The following ITGA8 variants were observed in gnomAD, a reference collection of about 807,000 sequenced individuals.
ITGA8 encodes integrin alpha-8.
A neutral mutation model predicts 142.3 loss-of-function variants in ITGA8; 91 were observed. That is an observed-to-expected ratio of 0.64 (90% CI 0.54 to 0.76). The LOEUF (loss-of-function observed/expected upper bound fraction) is 0.76, where lower values mean the gene tolerates loss of function less well. Among genes scored for constraint, ITGA8 ranks in the 30% least tolerant of loss-of-function variants. The pLI is 0.00. For missense variants in ITGA8, 1,406 were observed against 1,327.7 expected (o/e 1.06, Z -0.92); for synonymous variants, 505 against 485.2 (o/e 1.04, Z -0.54).
At chr10:15,521,352 G>A (rs370914074) in intron 28 of ITGA8, among the ~76,000 whole-genome samples, 103 of 152,204 alleles carry the variant, frequency 6.8e-4, no homozygotes, top group Non-Finnish European at 1.3e-3. Context: ...AGAGTTGAGC[G>A]CCCTGATGGT....
intron 12 of ITGA8, among the ~76,000 whole-genome samples, chr10:15,645,859 T>C (rs1022533710): frequency 2.6e-5 from 4 of 152,122 alleles, no homozygotes; most frequent in Admixed American, 2.6e-4. Flanking sequence ...AGAGGGTACT[T>C]GGAGGGGTTT....
intron 2 of ITGA8, among the ~76,000 whole-genome samples, chr10:15,694,246 A>C (rs950759084): frequency 7.8e-6 from 1 of 128,756 alleles, no homozygotes; most frequent in East Asian, 2.1e-4. Context: ...TATATCATAT[A>C]TATGATAACA....
At chr10:15,674,041 T>A (rs932604681) in intron 6 of ITGA8, among the ~76,000 whole-genome samples, 5 of 151,898 alleles carry the variant, frequency 3.3e-5, no homozygotes, top group Non-Finnish European at 7.3e-5. Flanking sequence ...GCCAAATTAG[T>A]CTTTGGGAAT....
chr10:15,559,840 G>GAGGGGGGGGGGGGGGA (rs1833944790), intron 25 of ITGA8, among the ~76,000 whole-genome samples: 1 of 98,810 alleles, frequency 1.0e-5, no homozygotes, highest in African/African-American at 3.9e-5. Flanking sequence ...GGGGCGGGGG[G>GAGGGGGGGGGGGGGGA]AGGGAGAACA....
At chr10:15,716,811 C>T (rs1299986909) in intron 2 of ITGA8, among the ~76,000 whole-genome samples, 3 of 151,900 alleles carry the variant, frequency 2.0e-5, no homozygotes, top group African/African-American at 7.3e-5. Context: ...GCTGGGATTA[C>T]ACCCTTAGGC....
At chr10:15,634,106 C>T (rs1833730468) in intron 13 of ITGA8, among the ~76,000 whole-genome samples, 1 of 152,120 alleles carries the variant, frequency 6.6e-6, no homozygotes, top group Non-Finnish European at 1.5e-5. Context: ...TCTCAGGATC[C>T]TACTTATCTC....
At chr10:15,605,642 G>C in intron 19 of ITGA8, 82 bp downstream of exon 19, 1 of 1,128,536 alleles carries the variant, frequency 8.9e-7, no homozygotes, top group Non-Finnish European at 1.3e-6. Context: ...TATTGGAAGT[G>C]TATACTTTCT....
intron 28 of ITGA8, among the ~76,000 whole-genome samples, chr10:15,522,769 T>C (rs1833094434): frequency 6.6e-6 from 1 of 152,192 alleles, no homozygotes; most frequent in Non-Finnish European, 1.5e-5. Flanking sequence ...CCCAGCACTT[T>C]GGGAGGCCAA....
intron 27 of ITGA8, among the ~76,000 whole-genome samples, chr10:15,531,951 G>GA (rs974753271): frequency 5.3e-5 from 7 of 132,566 alleles, no homozygotes; most frequent in Admixed American, 3.8e-4. Context: ...GTCTCAAAAA[G>GA]AAAAAAAAAT....
At chr10:15,665,225 G>T (rs1588708286) in intron 8 of ITGA8, among the ~76,000 whole-genome samples, 1 of 152,260 alleles carries the variant, frequency 6.6e-6, no homozygotes, top group South Asian at 2.1e-4. Flanking sequence ...TTGTGAGATG[G>T]TATCTCATTG....
chr10:15,691,941 A>G (rs1479721840), intron 2 of ITGA8, among the ~76,000 whole-genome samples: 2 of 152,160 alleles, frequency 1.3e-5, no homozygotes, highest in Admixed American at 6.5e-5. Flanking sequence ...CGATAAATAT[A>G]TACAATTTTT....
rs534491922 is a variant in ITGA8 at position 15,666,404 on chromosome 10, TGAG to T, written c.847+5196_847+5198del. The stretch of plus-strand genomic sequence containing the variant: ...ACTTTGCTGAAGTTGCTTATCAGCT[TGAG>T]GAGATTTTGGGCTGAGACGATGGGG... On this transcript the variant is annotated intron_variant, in intron 8 of 29. Coordinates refer to ENST00000378076, the MANE Select transcript of ITGA8 (RefSeq NM_003638.3). Among the ~76,000 whole-genome samples, 9 of 152,340 alleles carry T rather than the reference TGAG, an allele frequency of 5.9e-5. No homozygotes were observed. The East Asian group carries it at 1.7e-3, about 29-fold the overall frequency.
intron 20 of ITGA8, among the ~76,000 whole-genome samples, chr10:15,600,227 A>G (rs1222933889): frequency 6.6e-6 from 1 of 152,174 alleles, no homozygotes; most frequent in East Asian, 1.9e-4. Context: ...CATCATTTAC[A>G]TTAGGTATAT....
intron 23 of ITGA8, among the ~76,000 whole-genome samples, chr10:15,583,046 C>T (rs1386168273): frequency 2.0e-5 from 3 of 152,194 alleles, no homozygotes; most frequent in Non-Finnish European, 2.9e-5. Flanking sequence ...CACTGGACAT[C>T]CATCCATACA....
chr10:15,664,806 G>A (rs1360291139), intron 8 of ITGA8, among the ~76,000 whole-genome samples: 2 of 151,820 alleles, frequency 1.3e-5, no homozygotes, highest in Non-Finnish European at 2.9e-5. Flanking sequence ...TGAGAATGAT[G>A]GTTTCCAGTT....
intron 27 of ITGA8, among the ~76,000 whole-genome samples, chr10:15,533,131 T>C (rs987416452): frequency 4.6e-5 from 7 of 152,222 alleles, no homozygotes; most frequent in Admixed American, 1.3e-4. Context: ...TCCAATAATT[T>C]TCCTTAAATA....
intron 3 of ITGA8, 35 bp from the exon 4 acceptor site, chr10:15,684,162 G>T: frequency 6.3e-7 from 1 of 1,592,790 alleles, no homozygotes. Flanking sequence ...ATACATTTTT[G>T]ATGTAGGTTT....
intron 2 of ITGA8, among the ~76,000 whole-genome samples, chr10:15,692,098 G>A (rs1834946333): frequency 6.6e-6 from 1 of 152,000 alleles, no homozygotes; most frequent in Admixed American, 6.6e-5. Context: ...CCACCATGCA[G>A]GGCTTTTTTT....
chr10:15,632,498 T>G (rs1833701706), intron 13 of ITGA8, among the ~76,000 whole-genome samples: 1 of 152,216 alleles, frequency 6.6e-6, no homozygotes, highest in Non-Finnish European at 1.5e-5. Context: ...ATTCTCAACC[T>G]GGATCTGTGA....
Sources: gnomAD v4.1 joint callset for allele counts (sites outside exome capture counted in the v4.1 genomes callset) on GRCh38, gnomAD v4.1.1 for gene constraint, MANE v1.5 for transcripts, NCBI Gene and HGNC (gene_info 2026-07-23, HGNC 2026-07-21) for gene names.